The following KCNAB1 variants were observed in gnomAD, a reference collection of about 807,000 sequenced individuals.
KCNAB1 encodes voltage-gated potassium channel subunit beta-1.
In KCNAB1, 35 loss-of-function variants were observed where a neutral mutation model predicts 64.6. That is an observed-to-expected ratio of 0.54 (90% confidence interval 0.41 to 0.72). The LOEUF (loss-of-function observed/expected upper bound fraction) is 0.72. KCNAB1 is among the 30% of genes least tolerant of loss of function. The probability of loss-of-function intolerance (pLI) is 0.00; values close to 1 mark genes in which losing one functional copy is unlikely to be tolerated. For synonymous variants in KCNAB1, 177 were observed against 183.8 expected, an observed-to-expected ratio of 0.96 and a Z score of 0.30; for missense variants, 401 against 512.9, an observed-to-expected ratio of 0.78 and a Z score of 2.11.
intron 1 of KCNAB1, among the ~76,000 whole-genome samples, chr3:156,404,317 G>C (rs1010893365): frequency 1.3e-5 from 2 of 151,898 alleles, no homozygotes; most frequent in African/African-American, 4.8e-5. Flanking sequence ...GCATAACTGA[G>C]TATGCAGTTA....
rs71141704 is a variant in KCNAB1, at chr3:156,297,259, C to CTT, written c.276-124332_276-124331dup. Among the ~76,000 whole-genome samples, 211 of 96,498 alleles carry CTT rather than the reference C, an allele frequency of 2.2e-3. 2 individuals carry two copies. Among genetic ancestry groups the CTT allele is most frequent in the Middle Eastern group, 7.9e-3 (1 of 126 alleles). The allele number at this position is 96,498 out of a possible 152,430, so 63.3% of individuals were successfully genotyped here. A position where few individuals can be genotyped will look rare whatever the true frequency, so the allele number is the denominator to read the frequency against. On this transcript the variant is annotated intron_variant, in intron 1 of 13. Transcript: ENST00000490337. ...ATAACACAGTATGTATTGAGGTTGG[C>CTT]TTTTTTTTTTTTTTTTTTTTTTTTT...
At chr3:156,118,497 G>T (rs886543492), upstream of KCNAB1, among the ~76,000 whole-genome samples, 1 of 152,174 alleles carries the variant, frequency 6.6e-6, no homozygotes, top group African/African-American at 2.4e-5. Context: ...TGAGAAACAG[G>T]CCCCACCTCT....
intron 1 of KCNAB1, among the ~76,000 whole-genome samples, chr3:156,231,636 C>T (rs1401803533): frequency 6.6e-6 from 1 of 151,486 alleles, no homozygotes; most frequent in Non-Finnish European, 1.5e-5. Flanking sequence ...TTTTACAACC[C>T]GCTCTCTCTC....
At chr3:156,206,234 C>A (rs1357245358) in intron 1 of KCNAB1, among the ~76,000 whole-genome samples, 3 of 152,192 alleles carry the variant, frequency 2.0e-5, no homozygotes, top group Non-Finnish European at 4.4e-5. Context: ...TGGGGATTGG[C>A]TTGACCTCAC....
At chr3:156,416,611 T>C (rs1032124827) in intron 1 of KCNAB1, among the ~76,000 whole-genome samples, 2 of 152,208 alleles carry the variant, frequency 1.3e-5, no homozygotes, top group Admixed American at 6.5e-5. Context: ...TATAATCAAA[T>C]AATTAATCTA....
At chr3:156,314,034 T>C (rs6807422) in intron 1 of KCNAB1, among the ~76,000 whole-genome samples, 2,423 of 152,354 alleles carry the variant, frequency 0.016, 69 homozygotes, top group African/African-American at 0.056. Flanking sequence ...CCATTCCACC[T>C]ATTTTCTGCT....
intron 1 of KCNAB1, among the ~76,000 whole-genome samples, chr3:156,342,609 A>ATTTTTTTTTTTT (rs59689669): frequency 9.6e-6 from 1 of 104,684 alleles, no homozygotes; most frequent in Non-Finnish European, 2.0e-5. Context: ...TTTTTTTTTA[A>ATTTTTTTTTTTT]TTTTTTTTTT....
Position 156,522,588 on chromosome 3 carries a change from G to A in KCNAB1, c.961-1239G>A, listed in dbSNP as rs181683629. 2.4e-3 allele frequency among the ~76,000 whole-genome samples: 364 copies of A among 152,338 alleles called. 1 individual carries two copies. The highest frequency in any genetic ancestry group is 3.5e-3 in the Non-Finnish European group (237 of 68,036). ...CAGCCCATAAGCCTTTGAGATTTAG[G>A]AGACAAAACTGGGGCGGCTTGCCCT... On this transcript the variant is annotated intron_variant, in intron 11 of 13. Coordinates refer to ENST00000490337, the MANE Select transcript of KCNAB1 (RefSeq NM_172160.3).
intron 1 of KCNAB1, among the ~76,000 whole-genome samples, chr3:156,316,719 G>A (rs543050265): frequency 6.6e-6 from 1 of 152,328 alleles, no homozygotes; most frequent in East Asian, 1.9e-4. Flanking sequence ...CCTGCCAGGA[G>A]GCAGGTGACA....
intron 1 of KCNAB1, among the ~76,000 whole-genome samples, chr3:156,261,033 A>G (rs1347584388): frequency 4.6e-5 from 7 of 152,090 alleles, no homozygotes; most frequent in African/African-American, 9.7e-5. Context: ...TTGGCCATTC[A>G]CTTATTCTCT....
intron 8 of KCNAB1, among the ~76,000 whole-genome samples, chr3:156,496,451 C>T (rs2720282): frequency 0.24 from 36,674 of 152,082 alleles, 4,888 homozygotes; most frequent in South Asian, 0.35. Flanking sequence ...CCATGTAAGA[C>T]GTGCCTTCGC....
intron 1 of KCNAB1, among the ~76,000 whole-genome samples, chr3:156,220,247 T>G (rs1715625429): frequency 1.3e-5 from 2 of 152,210 alleles, no homozygotes; most frequent in Non-Finnish European, 2.9e-5. Flanking sequence ...ATGGGATCAC[T>G]GGGTCAAATG....
intron 1 of KCNAB1, among the ~76,000 whole-genome samples, chr3:156,168,179 G>T (rs1711728565): frequency 6.6e-6 from 1 of 152,002 alleles, no homozygotes; most frequent in Non-Finnish European, 1.5e-5. Flanking sequence ...CTCCAGCCTG[G>T]GTAAGAGAGT....
chr3:156,182,091 TTTATAA>T (rs1160544992), intron 1 of KCNAB1, among the ~76,000 whole-genome samples: 8 of 152,190 alleles, frequency 5.3e-5, no homozygotes, highest in African/African-American at 1.9e-4. Context: ...CTTTAATAAC[TTTATAA>T]TTATATTAGT....
intron 1 of KCNAB1, among the ~76,000 whole-genome samples, chr3:156,161,772 T>G (rs1235662052): frequency 6.6e-6 from 1 of 152,222 alleles, no homozygotes; most frequent in Non-Finnish European, 1.5e-5. Flanking sequence ...TACAAAATAC[T>G]TAAGTATGTG....
At position 156,188,154 on chromosome 3, in the gene KCNAB1, A is replaced by G. The variant is rs187471888; in HGVS notation, c.275+67268A>G. On this transcript the variant is annotated intron_variant, in intron 1 of 13. Transcript: ENST00000490337. ...GCATCTCAAGATTACCTACTTGGAT[A>G]AGTCTTTTCCCAGCTTCCCTTGGTA... Among the ~76,000 whole-genome samples the G allele has an allele frequency of 2.8e-3, 424 of 151,658 alleles. 1 individual carries two copies. The highest frequency in any genetic ancestry group is 1.0e-2 in the African/African-American group (412 of 41,396).
At chr3:156,222,750 T>C (rs915288234) in intron 1 of KCNAB1, among the ~76,000 whole-genome samples, 1 of 152,130 alleles carries the variant, frequency 6.6e-6, no homozygotes, top group Non-Finnish European at 1.5e-5. Flanking sequence ...TACAGTGGAA[T>C]AAAATTGGAA....
At chr3:156,325,638 A>C (rs1722925078) in intron 1 of KCNAB1, among the ~76,000 whole-genome samples, 1 of 151,824 alleles carries the variant, frequency 6.6e-6, no homozygotes, top group South Asian at 2.1e-4. Context: ...TGAAAGTCTG[A>C]GATATGTATT....
At chr3:156,512,884 C>T (rs1717304549) in intron 8 of KCNAB1, among the ~76,000 whole-genome samples, 2 of 152,138 alleles carry the variant, frequency 1.3e-5, no homozygotes, top group South Asian at 4.1e-4. Flanking sequence ...AAAGCATTTC[C>T]ATCTTCCAAA....
Sources: allele counts gnomAD v4.1 joint callset (sites outside exome capture counted in the v4.1 genomes callset), GRCh38; gene constraint gnomAD v4.1.1; transcripts MANE v1.5; gene names NCBI Gene and HGNC (gene_info 2026-07-23, HGNC 2026-07-21).